Variants in RBFOX1 observed in about 807,000 individuals in gnomAD.
The protein encoded by RBFOX1 is RNA binding fox-1 homolog 1, also known as RNA binding protein fox-1 homolog 1.
A neutral mutation model predicts 57.7 loss-of-function variants in RBFOX1; 8 were observed. That is an observed-to-expected ratio of 0.14 (90% CI 0.08 to 0.25). RBFOX1 has a LOEUF of 0.25. Ranked by LOEUF, RBFOX1 falls within the 10% of genes least tolerant of loss-of-function variation. The probability of loss-of-function intolerance (pLI) is 1.00; values close to 1 mark genes in which losing one functional copy is unlikely to be tolerated. For missense variants in RBFOX1, 611 were observed against 548.5 expected, an observed-to-expected ratio of 1.11 and a Z score of -1.14; for synonymous variants, 326 against 222.4, an observed-to-expected ratio of 1.47 and a Z score of -4.15.
intron 2 of RBFOX1, among the ~76,000 whole-genome samples, chr16:6,632,854 G>A (rs2154061131): frequency 6.6e-6 from 1 of 152,300 alleles, no homozygotes; most frequent in African/African-American, 2.4e-5. Context: ...CTTAAAACCT[G>A]TTAACCTTAT....
At chr16:6,089,548 A>G (rs2096140235) in intron 1 of RBFOX1, among the ~76,000 whole-genome samples, 1 of 152,184 alleles carries the variant, frequency 6.6e-6, no homozygotes. Context: ...ACTTTGAACA[A>G]CCTAAAGATT....
At chr16:7,404,093 C>T (rs2098293860) in intron 4 of RBFOX1, among the ~76,000 whole-genome samples, 1 of 123,282 alleles carries the variant, frequency 8.1e-6, no homozygotes, top group Admixed American at 8.2e-5. Flanking sequence ...CACTCTGTCA[C>T]CCAGGCTAGA....
chr16:6,992,813 A>G (rs2091705791), intron 3 of RBFOX1, among the ~76,000 whole-genome samples: 1 of 148,516 alleles, frequency 6.7e-6, no homozygotes, highest in Non-Finnish European at 1.5e-5. Context: ...GCCATGGCCC[A>G]GAAAGGCTGA....
At chr16:7,104,985 G>T (rs1237172654) in intron 4 of RBFOX1, among the ~76,000 whole-genome samples, 1 of 152,104 alleles carries the variant, frequency 6.6e-6, no homozygotes, top group African/African-American at 2.4e-5. Flanking sequence ...GTGTCTTTAT[G>T]TTTCTCAGCT....
At chr16:7,634,463 T>G (rs1273311985) in intron 11 of RBFOX1, among the ~76,000 whole-genome samples, 1 of 151,846 alleles carries the variant, frequency 6.6e-6, no homozygotes, top group Non-Finnish European at 1.5e-5. Context: ...CATCCTTAAA[T>G]GCAGTAGGGG....
At chr16:6,266,302 G>A (rs954728536) in intron 1 of RBFOX1, among the ~76,000 whole-genome samples, 1 of 152,216 alleles carries the variant, frequency 6.6e-6, no homozygotes, top group Admixed American at 6.5e-5. Context: ...TCTGAGGTCA[G>A]TTGTTACTGC....
At chr16:7,519,190 G>A (rs1170149276) in intron 5 of RBFOX1, among the ~76,000 whole-genome samples, 1 of 152,004 alleles carries the variant, frequency 6.6e-6, no homozygotes, top group African/African-American at 2.4e-5. Flanking sequence ...TACAAATCTT[G>A]TGCCCCTTTG....
intron 1 of RBFOX1, among the ~76,000 whole-genome samples, chr16:5,422,488 C>CA (rs2067367477): frequency 1.4e-5 from 1 of 70,756 alleles, no homozygotes; most frequent in East Asian, 5.0e-4. Context: ...GAGGAGGGAG[C>CA]GGGAGGAGGT....
rs987926422 is a variant in RBFOX1 at position 7,318,715 on chromosome 16, A to G, written c.28-199432A>G. Among the ~76,000 whole-genome samples, 7 of 152,290 alleles carry G rather than the reference A, an allele frequency of 4.6e-5. No individual in the cohort carries two copies. In the East Asian group the frequency reaches 1.2e-3, roughly 25 times the overall value. ...ACCTAGTGGCTTCTGGACTTCTGCT[A>G]TATTCTTGATTTTGCTTTTTATAGC... is the stretch of plus-strand genomic sequence containing the variant. On this transcript the variant is annotated intron_variant, in intron 4 of 15. Coordinates refer to ENST00000550418, the MANE Select transcript of RBFOX1 (RefSeq NM_018723.4).
intron 3 of RBFOX1, among the ~76,000 whole-genome samples, chr16:6,725,374 A>C (rs988092658): frequency 6.6e-6 from 1 of 152,026 alleles, no homozygotes; most frequent in African/African-American, 2.4e-5. Context: ...TTTTTAAGGC[A>C]TCTTTTTACC....
At chr16:6,173,419 C>T (rs1466799143) in intron 1 of RBFOX1, among the ~76,000 whole-genome samples, 3 of 152,090 alleles carry the variant, frequency 2.0e-5, no homozygotes, top group African/African-American at 7.2e-5. Context: ...CAGTCATATG[C>T]ATCACTCAAA....
chr16:5,782,464 C>A lies in RBFOX1; in HGVS notation c.319-84839C>A, dbSNP rs540715860. Among the ~76,000 whole-genome samples the A allele has an allele frequency of 6.6e-5, 10 of 152,296 alleles. No homozygotes were observed. The South Asian group carries it at 1.2e-3, about 19-fold the overall frequency. On this transcript the variant is annotated intron_variant, in intron 3 of 19. Transcript: ENST00000641259. ...TTATGATTTACGCATGTCCCAGAAA[C>A]CATCACCTCCCAACACTGTTGCATT... is the stretch of plus-strand genomic sequence containing the variant.
At chr16:6,765,437 A>AT (rs2154203494) in intron 3 of RBFOX1, among the ~76,000 whole-genome samples, 1 of 152,288 alleles carries the variant, frequency 6.6e-6, no homozygotes, top group South Asian at 2.1e-4. Flanking sequence ...ATTAGACTGA[A>AT]TACCTGGGCA....
At chr16:5,721,986 C>G (rs1273430900) in intron 3 of RBFOX1, among the ~76,000 whole-genome samples, 2 of 152,110 alleles carry the variant, frequency 1.3e-5, no homozygotes, top group African/African-American at 4.8e-5. Context: ...GCATTTTGAC[C>G]CCATAGCACA....
At chr16:6,928,378 C>T (rs188619105) in intron 3 of RBFOX1, among the ~76,000 whole-genome samples, 5 of 152,158 alleles carry the variant, frequency 3.3e-5, no homozygotes, top group Admixed American at 6.5e-5. Context: ...TTTCTGGAGC[C>T]AACAAAGGGC....
intron 14 of RBFOX1, among the ~76,000 whole-genome samples, chr16:7,703,932 G>A (rs1028226999): frequency 6.6e-6 from 1 of 152,212 alleles, no homozygotes; most frequent in African/African-American, 2.4e-5. Context: ...AAAAGTCTGG[G>A]CAAGGAGGGA....
At chr16:7,193,432 G>A (rs190073122) in intron 4 of RBFOX1, among the ~76,000 whole-genome samples, 1 of 152,336 alleles carries the variant, frequency 6.6e-6, no homozygotes, top group East Asian at 1.9e-4. Context: ...AGAACTATAA[G>A]ATGGGTTGTT....
chr16:7,441,408 G>A (rs2098765416), intron 4 of RBFOX1, among the ~76,000 whole-genome samples: 1 of 152,168 alleles, frequency 6.6e-6, no homozygotes, highest in African/African-American at 2.4e-5. Flanking sequence ...TCTGAGAGAT[G>A]ATGTTGCCTA....
At chr16:7,555,811 C>G (rs189076591) in intron 5 of RBFOX1, among the ~76,000 whole-genome samples, 3 of 152,162 alleles carry the variant, frequency 2.0e-5, no homozygotes, top group African/African-American at 7.2e-5. Flanking sequence ...TTGAAAATGT[C>G]AAGCCTACCT....
Sources: allele counts gnomAD v4.1 joint callset (sites outside exome capture counted in the v4.1 genomes callset), GRCh38; gene constraint gnomAD v4.1.1; transcripts MANE v1.5; gene names NCBI Gene and HGNC (gene_info 2026-07-23, HGNC 2026-07-21).